NPSR1: variants seen among roughly 807,000 people sequenced by gnomAD.
NPSR1 encodes neuropeptide S receptor 1.
In NPSR1, 48 loss-of-function variants were observed where a neutral mutation model predicts 46.9. That is an observed-to-expected ratio of 1.02 (90% CI 0.81 to 1.30). The LOEUF (loss-of-function observed/expected upper bound fraction) is 1.30. Among genes scored for constraint, NPSR1 ranks in the 50% most tolerant of loss-of-function variants. The pLI is 0.00. For synonymous variants in NPSR1, 176 were observed against 168.1 expected (o/e 1.05, Z -0.36); for missense variants, 450 against 449.5 (o/e 1.00, Z -0.01).
chr7:34,781,329 T>C (rs559059136), intron 3 of NPSR1, among the ~76,000 whole-genome samples: 39 of 152,264 alleles, frequency 2.6e-4, no homozygotes, highest in African/African-American at 9.4e-4. Context: ...CTCCAAAGCA[T>C]TCAAGTATAG....
chr7:34,874,444 G>A (rs1162531644), intron 8 of NPSR1, among the ~76,000 whole-genome samples: 2 of 152,006 alleles, frequency 1.3e-5, no homozygotes, highest in Non-Finnish European at 2.9e-5. Context: ...AATGGGCACC[G>A]GTTAAAATAA....
intron 8 of NPSR1, among the ~76,000 whole-genome samples, chr7:34,866,420 C>G (rs1387462780): frequency 6.6e-6 from 1 of 151,910 alleles, no homozygotes; most frequent in East Asian, 1.9e-4. Context: ...AGCGGAGGGA[C>G]AGGAGGCAGA....
chr7:34,811,288 A>T (rs770850528), intron 3 of NPSR1, among the ~76,000 whole-genome samples: 1 of 152,008 alleles, frequency 6.6e-6, no homozygotes, highest in Non-Finnish European at 1.5e-5. Flanking sequence ...GAGTGGGAAG[A>T]TGATCTTCCC....
chr7:34,797,697 A>C (rs1431940200), intron 3 of NPSR1, among the ~76,000 whole-genome samples: 1 of 152,186 alleles, frequency 6.6e-6, no homozygotes, highest in African/African-American at 2.4e-5. Flanking sequence ...CCAAAGCAAA[A>C]TAAATGTCAG....
intron 2 of NPSR1, among the ~76,000 whole-genome samples, chr7:34,771,717 T>TA (rs1193075332): frequency 1.3e-5 from 2 of 152,156 alleles, no homozygotes; most frequent in African/African-American, 4.8e-5. Context: ...CTGACTTCTA[T>TA]AGTATGGGTT....
chr7:34,678,758 G>T (rs1240601078), intron 1 of NPSR1, among the ~76,000 whole-genome samples: 3 of 150,946 alleles, frequency 2.0e-5, no homozygotes, highest in Non-Finnish European at 4.4e-5. Context: ...CCCGGCAGGC[G>T]GAGCTTGCAG....
At chr7:34,803,016 G>C (rs1788496686) in intron 3 of NPSR1, among the ~76,000 whole-genome samples, 1 of 150,344 alleles carries the variant, frequency 6.7e-6, no homozygotes, top group East Asian at 1.9e-4. Context: ...ACCACAATGA[G>C]CTACCATCTC....
At chr7:34,768,543 G>A (rs1314393562) in intron 2 of NPSR1, 2 of 152,138 alleles carry the variant, frequency 1.3e-5, no homozygotes, top group African/African-American at 4.8e-5. Flanking sequence ...TTGTAGCAGT[G>A]AGATTTATAA....
chr7:34,788,830 T>C (rs139281645), intron 3 of NPSR1, among the ~76,000 whole-genome samples: 16 of 152,112 alleles, frequency 1.1e-4, no homozygotes, highest in African/African-American at 3.9e-4. Flanking sequence ...TATAGAACAT[T>C]TCACCTAGTG....
At chr7:34,865,416 G>A (rs1236582366) in intron 8 of NPSR1, among the ~76,000 whole-genome samples, 2 of 151,682 alleles carry the variant, frequency 1.3e-5, no homozygotes, top group Non-Finnish European at 2.9e-5. Context: ...AAAAGAGGGC[G>A]AGGCTGAGCT....
chr7:34,682,686 C>T (rs141904618), intron 1 of NPSR1, among the ~76,000 whole-genome samples: 86 of 152,322 alleles, frequency 5.6e-4, no homozygotes, highest in African/African-American at 2.0e-3. Flanking sequence ...GCACTGTTGT[C>T]CATCTATCTC....
intron 2 of NPSR1, among the ~76,000 whole-genome samples, chr7:34,689,352 T>A (rs1793100215): frequency 6.6e-6 from 1 of 152,076 alleles, no homozygotes; most frequent in East Asian, 1.9e-4. Flanking sequence ...ACGCCTGTAA[T>A]CCCAGCACTT....
At chr7:34,660,776 C>T (rs548306449) in intron 1 of NPSR1, among the ~76,000 whole-genome samples, 12 of 152,260 alleles carry the variant, frequency 7.9e-5, no homozygotes, top group African/African-American at 2.6e-4. Context: ...CTTCCATCTT[C>T]ATCTGTTTAT....
At chr7:34,734,533 T>G (rs1784580541) in intron 2 of NPSR1, among the ~76,000 whole-genome samples, 1 of 152,124 alleles carries the variant, frequency 6.6e-6, no homozygotes, top group South Asian at 2.1e-4. Flanking sequence ...AAATCTAACC[T>G]GCCCTCTCCA....
intron 4 of NPSR1, among the ~76,000 whole-genome samples, chr7:34,821,881 G>T (rs1789576174): frequency 6.6e-6 from 1 of 152,206 alleles, no homozygotes. Context: ...TTCTGGGAAA[G>T]ATGAAAGCTT....
intron 6 of NPSR1, among the ~76,000 whole-genome samples, chr7:34,836,064 C>T (rs1371437351): frequency 1.3e-5 from 2 of 152,148 alleles, no homozygotes; most frequent in Non-Finnish European, 2.9e-5. Flanking sequence ...GCTTAGGCTG[C>T]TTGGAAATTT....
At chr7:34,796,589 A>G (rs900236302) in intron 3 of NPSR1, among the ~76,000 whole-genome samples, 2 of 152,210 alleles carry the variant, frequency 1.3e-5, no homozygotes, top group Admixed American at 1.3e-4. Flanking sequence ...ATACTTATGA[A>G]TATCTTTGTT....
chr7:34,733,026 A>T (rs1302043153), intron 2 of NPSR1, among the ~76,000 whole-genome samples: 1 of 152,232 alleles, frequency 6.6e-6, no homozygotes, highest in East Asian at 1.9e-4. Context: ...TGTTTTAATA[A>T]TTTCTTGAAC....
At chr7:34,847,209 T>C (rs1348854448) in intron 7 of NPSR1, among the ~76,000 whole-genome samples, 1 of 152,200 alleles carries the variant, frequency 6.6e-6, no homozygotes, top group Non-Finnish European at 1.5e-5. Flanking sequence ...TACACAGTTA[T>C]GACGGAAAGC....
Sources: gnomAD v4.1 joint callset for allele counts (sites outside exome capture counted in the v4.1 genomes callset) on GRCh38, gnomAD v4.1.1 for gene constraint, MANE v1.5 for transcripts, NCBI Gene and HGNC (gene_info 2026-07-23, HGNC 2026-07-21) for gene names.